The following CACNA2D1 variants were observed in gnomAD, a reference collection of about 807,000 sequenced individuals.
CACNA2D1 encodes the protein calcium voltage-gated channel auxiliary subunit alpha2delta 1, also known as voltage-dependent calcium channel subunit alpha-2/delta-1.
Under a neutral mutation model 171.5 loss-of-function variants are expected in CACNA2D1, and 53 were observed. The observed-to-expected ratio is 0.31, with a 90% CI of 0.25 to 0.39. The LOEUF is 0.39. Among genes scored for constraint, CACNA2D1 ranks in the 10% least tolerant of loss-of-function variants. The probability of loss-of-function intolerance (pLI) is 1.00; values close to 1 mark genes in which losing one functional copy is unlikely to be tolerated. For synonymous variants in CACNA2D1, 442 were observed against 443.1 expected, an observed-to-expected ratio of 1.00 and a Z score of 0.03; for missense variants, 903 against 1,299.8, an observed-to-expected ratio of 0.69 and a Z score of 4.69.
intron 1 of CACNA2D1, among the ~76,000 whole-genome samples, chr7:82,393,087 C>A (rs6944376): frequency 0.17 from 5,561 of 33,684 alleles, 168 homozygotes; most frequent in African/African-American, 0.29. Flanking sequence ...GGAAGGAAGG[C>A]AGGCAGGCAG....
At chr7:82,299,502 A>C (rs1420375489) in intron 3 of CACNA2D1, among the ~76,000 whole-genome samples, 1 of 151,982 alleles carries the variant, frequency 6.6e-6, no homozygotes, top group Non-Finnish European at 1.5e-5. Context: ...CTCTACTAAA[A>C]ATACAAAAAT....
chr7:82,041,849 G>A (rs1448271704), intron 10 of CACNA2D1, among the ~76,000 whole-genome samples: 1 of 152,082 alleles, frequency 6.6e-6, no homozygotes, highest in Non-Finnish European at 1.5e-5. Flanking sequence ...AGAATTATTA[G>A]AAATGGTTAC....
intron 1 of CACNA2D1, among the ~76,000 whole-genome samples, chr7:82,366,534 T>C (rs927141382): frequency 6.6e-6 from 1 of 152,344 alleles, no homozygotes; most frequent in South Asian, 2.1e-4. Flanking sequence ...GTTGCATCCA[T>C]GTTGCTGCAA....
chr7:82,291,720 G>T (rs1212866113), intron 3 of CACNA2D1, among the ~76,000 whole-genome samples: 1 of 148,844 alleles, frequency 6.7e-6, no homozygotes, highest in Non-Finnish European at 1.5e-5. Flanking sequence ...GCCCAGGCTG[G>T]TCTCAAATTC....
At chr7:82,215,647 A>G (rs1801024442) in intron 3 of CACNA2D1, among the ~76,000 whole-genome samples, 1 of 152,162 alleles carries the variant, frequency 6.6e-6, no homozygotes, top group Non-Finnish European at 1.5e-5. Context: ...TTTATTTATC[A>G]TGTTCTAATA....
intron 3 of CACNA2D1, among the ~76,000 whole-genome samples, chr7:82,254,752 G>T (rs2129321186): frequency 6.6e-6 from 1 of 152,226 alleles, no homozygotes; most frequent in African/African-American, 2.4e-5. Flanking sequence ...ATGCAACACT[G>T]TTGATACATA....
chr7:82,267,769 C>A (rs545827360), intron 3 of CACNA2D1, among the ~76,000 whole-genome samples: 1 of 152,060 alleles, frequency 6.6e-6, no homozygotes, highest in Non-Finnish European at 1.5e-5. Flanking sequence ...CCGAGGTGGG[C>A]GGATCACGAG....
intron 5 of CACNA2D1, among the ~76,000 whole-genome samples, chr7:82,123,414 C>T (rs1237806390): frequency 6.6e-6 from 1 of 152,192 alleles, no homozygotes; most frequent in East Asian, 1.9e-4. Flanking sequence ...ACTGTAACCT[C>T]ACAACTGTCA....
chr7:82,255,889 G>A (rs895319384), intron 3 of CACNA2D1, among the ~76,000 whole-genome samples: 1 of 152,166 alleles, frequency 6.6e-6, no homozygotes. Flanking sequence ...TAGTCATTCT[G>A]GGTTAATTAG....
intron 3 of CACNA2D1, among the ~76,000 whole-genome samples, chr7:82,323,992 A>G (rs892521333): frequency 6.6e-6 from 1 of 152,158 alleles, no homozygotes; most frequent in African/African-American, 2.4e-5. Context: ...TCAAATACTC[A>G]TTTAGTGCTG....
At chr7:82,109,789 T>C (rs938409204) in intron 6 of CACNA2D1, among the ~76,000 whole-genome samples, 3 of 152,176 alleles carry the variant, frequency 2.0e-5, no homozygotes, top group African/African-American at 7.2e-5. Flanking sequence ...ATAGATTCCT[T>C]GCATTACTTA....
chr7:82,363,707 A>AT (rs78402308), intron 1 of CACNA2D1, among the ~76,000 whole-genome samples: 88,288 of 152,048 alleles, frequency 0.58, 27,458 homozygotes, highest in East Asian at 0.73. Context: ...AGTAGTAATG[A>AT]TAATAAACAT....
chr7:82,067,943 C>T (rs966201211), intron 7 of CACNA2D1, among the ~76,000 whole-genome samples: 4 of 152,174 alleles, frequency 2.6e-5, no homozygotes, highest in Non-Finnish European at 5.9e-5. Flanking sequence ...CTACCTTGCC[C>T]TATGAAAATG....
At chr7:82,297,096 A>AAAAAAAG (rs1377126136) in intron 3 of CACNA2D1, among the ~76,000 whole-genome samples, 1 of 133,078 alleles carries the variant, frequency 7.5e-6, no homozygotes, top group Non-Finnish European at 1.6e-5. Flanking sequence ...AAAAAAAAAA[A>AAAAAAAG]ATTAGCCAGG....
chr7:82,083,994 T>A (rs116120623), intron 7 of CACNA2D1, among the ~76,000 whole-genome samples: 2,385 of 152,244 alleles, frequency 0.016, 55 homozygotes, highest in African/African-American at 0.054. Context: ...ATCCCATAAC[T>A]CAGATCATGT....
At chr7:82,275,584 G>A (rs1425512351) in intron 3 of CACNA2D1, among the ~76,000 whole-genome samples, 4 of 151,992 alleles carry the variant, frequency 2.6e-5, no homozygotes, top group African/African-American at 9.7e-5. Context: ...ATACTCTCCA[G>A]CATGACAAAC....
chr7:82,242,255 A>C (rs1804395714), intron 3 of CACNA2D1, among the ~76,000 whole-genome samples: 1 of 149,218 alleles, frequency 6.7e-6, no homozygotes, highest in African/African-American at 2.4e-5. Context: ...GGGAGTGTAC[A>C]ATACATCATA....
At chr7:82,382,476 C>T (rs1441580127) in intron 1 of CACNA2D1, among the ~76,000 whole-genome samples, 1 of 152,210 alleles carries the variant, frequency 6.6e-6, no homozygotes, top group Non-Finnish European at 1.5e-5. Context: ...CCTGCACCTG[C>T]TCTTTTCAAG....
At chr7:82,136,703 G>A in intron 4 of CACNA2D1, 27 bp from the exon 5 acceptor site, 1 of 1,491,434 alleles carries the variant, frequency 6.7e-7, no homozygotes, top group Non-Finnish European at 9.2e-7. Context: ...ACGCTTTATT[G>A]ATTTTAATAA....
Sources: gnomAD v4.1 joint callset for allele counts (sites outside exome capture counted in the v4.1 genomes callset) on GRCh38, gnomAD v4.1.1 for gene constraint, MANE v1.5 for transcripts, NCBI Gene and HGNC (gene_info 2026-07-23, HGNC 2026-07-21) for gene names.